Variants in CKAP5 observed in about 807,000 individuals in gnomAD.
CKAP5 encodes the protein cytoskeleton-associated protein 5.
A neutral mutation model predicts 232.8 loss-of-function variants in CKAP5; 27 were observed. The observed-to-expected ratio is 0.12, with a 90% confidence interval of 0.09 to 0.16. The LOEUF (loss-of-function observed/expected upper bound fraction) is 0.16, where lower values mean the gene tolerates loss of function less well. Ranked by LOEUF, CKAP5 falls within the 10% of genes least tolerant of loss-of-function variation. CKAP5 has a pLI of 1.00. For missense variants in CKAP5, 1,838 were observed against 2,424.7 expected, an observed-to-expected ratio of 0.76 and a Z score of 5.08; for synonymous variants, 785 against 841.1, an observed-to-expected ratio of 0.93 and a Z score of 1.16.
chr11:46,815,628 C>G (rs1358877677), intron 4 of CKAP5, among the ~76,000 whole-genome samples: 1 of 152,210 alleles, frequency 6.6e-6, no homozygotes. Context: ...GATAACAGGT[C>G]AGAAATCTCT....
chr11:46,780,069 G>T, intron 20 of CKAP5, 125 bp downstream of exon 20: 1 of 1,017,714 alleles, frequency 9.8e-7, no homozygotes, highest in Non-Finnish European at 1.5e-6. Context: ...CTGCACTTAA[G>T]CAATCCTCCT....
intron 36 of CKAP5, among the ~76,000 whole-genome samples, chr11:46,754,393 T>C (rs1308424201): frequency 6.6e-6 from 1 of 152,224 alleles, no homozygotes; most frequent in Non-Finnish European, 1.5e-5. Context: ...TTAGCCCCAG[T>C]TTAAGAAAGA....
chr11:46,819,033 T>G (rs1273757707), intron 2 of CKAP5, among the ~76,000 whole-genome samples: 2 of 152,170 alleles, frequency 1.3e-5, no homozygotes, highest in African/African-American at 4.8e-5. Context: ...CTGGCCCTTG[T>G]GGAGCTTACA....
At chr11:46,818,936 C>T (rs1430924912) in intron 2 of CKAP5, among the ~76,000 whole-genome samples, 1 of 152,096 alleles carries the variant, frequency 6.6e-6, no homozygotes, top group Admixed American at 6.6e-5. Flanking sequence ...TTAATTTCAG[C>T]TAGTAGATTC....
At chr11:46,753,182 A>G (rs1461620766) in intron 37 of CKAP5, 128 bp downstream of exon 37, 1 of 669,958 alleles carries the variant, frequency 1.5e-6, no homozygotes, top group Non-Finnish European at 2.5e-6. Context: ...CTATAACTTT[A>G]AGTGTGCCTA....
chr11:46,836,924 A>G (rs1939930969), intron 1 of CKAP5, among the ~76,000 whole-genome samples: 1 of 152,232 alleles, frequency 6.6e-6, no homozygotes, highest in East Asian at 1.9e-4. Flanking sequence ...AAAGTCATTT[A>G]GGAGACTGGG....
chr11:46,759,564 T>C (rs1486174983), intron 33 of CKAP5, 122 bp from the exon 34 acceptor site: 2 of 968,738 alleles, frequency 2.1e-6, no homozygotes, highest in East Asian at 2.6e-5. Flanking sequence ...TCAGCCCCCC[T>C]GAATGATTTA....
intron 17 of CKAP5, 54 bp from the exon 18 acceptor site, chr11:46,783,422 T>C: frequency 1.8e-6 from 2 of 1,142,574 alleles, no homozygotes; most frequent in East Asian, 4.7e-5. Context: ...CTTATAGAAA[T>C]ACAGCATGAC....
In CKAP5 at chr11:46,780,480, T is replaced by C; in HGVS notation, c.2255A>G (p.Asn752Ser). Residue 752 changes from asparagine (N) to serine (S), a missense_variant, in exon 19 of 44, where the codon AAT (asparagine) becomes AGT (serine). Physicochemically the swap from Asn to Ser is conservative, Grantham distance 46. Transcript: ENST00000529230. ...CACATTGCTAATGAAAGCTTTGACA[T>C]TCAACCTAGAAGAAACATTTAGAAT... ...AIKEFGFSGL[N>S]VKAFISNVKT... The C allele has an allele frequency of 6.2e-7, 1 of 1,613,152 alleles. No homozygotes were observed.
chr11:46,806,734 C>G (rs1346770280), intron 8 of CKAP5, among the ~76,000 whole-genome samples: 1 of 152,178 alleles, frequency 6.6e-6, no homozygotes, highest in African/African-American at 2.4e-5. Context: ...TGCAAATTCA[C>G]CTACTTGCTA....
intron 1 of CKAP5, among the ~76,000 whole-genome samples, chr11:46,833,640 G>A (rs202142940): frequency 2.7e-5 from 4 of 150,240 alleles, no homozygotes; most frequent in East Asian, 2.0e-4. Flanking sequence ...CACCATGCCC[G>A]GCTAATTTTT....
intron 35 of CKAP5, 96 bp from the exon 36 acceptor site, chr11:46,755,163 G>A: frequency 1.3e-6 from 1 of 783,764 alleles, no homozygotes; most frequent in Non-Finnish European, 1.9e-6. Flanking sequence ...ATATTTATTA[G>A]CAAAGTACTT....
chr11:46,837,029 C>T (rs1939933124), intron 1 of CKAP5, among the ~76,000 whole-genome samples: 1 of 152,102 alleles, frequency 6.6e-6, no homozygotes, highest in South Asian at 2.1e-4. Context: ...AGGTTCTGAC[C>T]TAAGTAGCTT....
chr11:46,836,312 A>G (rs899016208), intron 1 of CKAP5, among the ~76,000 whole-genome samples: 1 of 152,236 alleles, frequency 6.6e-6, no homozygotes, highest in East Asian at 1.9e-4. Flanking sequence ...TGTTGGAACA[A>G]TCTATAATTA....
At chr11:46,745,067 TA>T (rs907862434) in intron 42 of CKAP5, among the ~76,000 whole-genome samples, 1 of 152,202 alleles carries the variant, frequency 6.6e-6, no homozygotes, top group African/African-American at 2.4e-5. Context: ...AACAATTATC[TA>T]AAGAGGGCAT....
At chr11:46,750,476 G>A in intron 41 of CKAP5, 43 bp from the exon 42 acceptor site, 1 of 1,611,752 alleles carries the variant, frequency 6.2e-7, no homozygotes. Context: ...GAATGTTAGT[G>A]TCCCTTTACC....
Position 46,823,675 on chromosome 11 carries a change from T to C in CKAP5, c.-37-2407A>G, listed in dbSNP as rs184537010. ...TGATCACAGCTCATTGCAACCTTGA[T>C]GTCCTGGGCTCAAGTGATCCTCCCA... On this transcript the variant is annotated intron_variant, in intron 1 of 43. Transcript: ENST00000529230. Among the ~76,000 whole-genome samples, 422 of 152,000 alleles carry C rather than the reference T, an allele frequency of 2.8e-3. 2 individuals carry two copies. The highest frequency in any genetic ancestry group is 9.6e-3 in the African/African-American group (400 of 41,480).
rs780486344 is a variant in CKAP5, at chr11:46,788,696, T to C, written c.1953A>G (p.Lys651=). The C allele has an allele frequency of 2.5e-6, 4 of 1,603,772 alleles. No homozygotes were observed. The highest frequency in any genetic ancestry group is 1.7e-4 in the Middle Eastern group (1 of 6,040). Reference sequence around the variant, plus strand: ...TTTAAAATACCTGAAAATTAGTTTCTTTCCATCCAGGTTTCTTGGCTAGCA... The same window carrying C: ...TTTAAAATACCTGAAAATTAGTTTCCTTCCATCCAGGTTTCTTGGCTAGCA... ...VRMLAKKPGW[K]ETNFQVMQMK... Residue 651 remains lysine (K), a synonymous_variant, in exon 16 of 44, where the codon AAA becomes AAG. Coordinates refer to ENST00000529230, the MANE Select transcript of CKAP5 (RefSeq NM_001008938.4).
chr11:46,814,967 A>G (rs1232720614), intron 4 of CKAP5, among the ~76,000 whole-genome samples: 1 of 152,210 alleles, frequency 6.6e-6, no homozygotes, highest in Non-Finnish European at 1.5e-5. Flanking sequence ...AGCTGCTTAA[A>G]TACCCTGAGG....
Sources: gnomAD v4.1 joint callset for allele counts (sites outside exome capture counted in the v4.1 genomes callset) on GRCh38, gnomAD v4.1.1 for gene constraint, MANE v1.5 for transcripts, NCBI Gene and HGNC (gene_info 2026-07-23, HGNC 2026-07-21) for gene names.